Variants in MLLT3 observed in about 807,000 individuals in gnomAD.
MLLT3 encodes MLLT3 super elongation complex subunit, also known as protein AF-9.
In MLLT3, 4 loss-of-function variants were observed where a neutral mutation model predicts 53.2. That is an observed-to-expected ratio of 0.08 (90% CI 0.04 to 0.17). The LOEUF is 0.17. Ranked by LOEUF, MLLT3 falls within the 10% of genes least tolerant of loss-of-function variation. The pLI, the probability that MLLT3 is intolerant of heterozygous loss-of-function variation, is 1.00. For missense variants in MLLT3, 569 were observed against 684.0 expected (o/e 0.83, Z 1.87); for synonymous variants, 283 against 230.6 (o/e 1.23, Z -2.06).
At chr9:20,497,052 G>A (rs75178054) in intron 2 of MLLT3, among the ~76,000 whole-genome samples, 14 of 152,200 alleles carry the variant, frequency 9.2e-5, no homozygotes, top group East Asian at 5.8e-4. Flanking sequence ...TTCTTCTTCC[G>A]TGATCAAACC....
intron 4 of MLLT3, among the ~76,000 whole-genome samples, chr9:20,418,759 G>C (rs1233619574): frequency 6.6e-6 from 1 of 152,098 alleles, no homozygotes; most frequent in African/African-American, 2.4e-5. Context: ...TGGGACGACA[G>C]GTGCACGTGC....
In MLLT3 at chr9:20,468,455, G is replaced by T. The variant is rs187485563; in HGVS notation, c.194-11669C>A. 3.3e-5 allele frequency among the ~76,000 whole-genome samples: 5 copies of T among 152,122 alleles called. No homozygotes were observed. In the East Asian group the frequency reaches 9.6e-4, roughly 29 times the overall value. On this transcript the variant is annotated intron_variant, in intron 2 of 10. Transcript: ENST00000380338. ...CACTAATCAGCCCACCTAGAAACTC[G>T]TGAAGCCCAAGTGAGCACATATTGT...
intron 2 of MLLT3, among the ~76,000 whole-genome samples, chr9:20,582,814 G>C (rs1007835631): frequency 2.6e-5 from 4 of 152,090 alleles, no homozygotes; most frequent in African/African-American, 9.7e-5. Flanking sequence ...ACTTCCCCCT[G>C]GGTCCCTCCT....
At position 20,353,506 on chromosome 9, in the gene MLLT3, G is replaced by T. The variant is rs775843816; in HGVS notation, c.1575+19C>A. Reference sequence around the variant, plus strand: ...TCTTGAAGTTTCTGGAAAGGGTTGTGCTAAAAAGCATTTCTCACCTGCTGC... The same window carrying T: ...TCTTGAAGTTTCTGGAAAGGGTTGTTCTAAAAAGCATTTCTCACCTGCTGC... On this transcript the variant is annotated intron_variant, in intron 10 of 10. Transcript: ENST00000380338. The T allele has an allele frequency of 1.2e-6, 2 of 1,608,966 alleles. No individual in the cohort carries two copies. Among genetic ancestry groups the T allele is most frequent in the African/African-American group, 2.7e-5 (2 of 74,844 alleles).
chr9:20,400,188 T>C (rs1214439286), intron 5 of MLLT3, among the ~76,000 whole-genome samples: 1 of 152,104 alleles, frequency 6.6e-6, no homozygotes, highest in Non-Finnish European at 1.5e-5. Context: ...ACTTTGACTA[T>C]TGACTTACAG....
At chr9:20,602,763 C>A (rs1453295476) in intron 2 of MLLT3, among the ~76,000 whole-genome samples, 1 of 53,402 alleles carries the variant, frequency 1.9e-5, no homozygotes, top group Non-Finnish European at 3.6e-5. Flanking sequence ...AAGTTTGATA[C>A]ACACACACAC....
intron 4 of MLLT3, among the ~76,000 whole-genome samples, chr9:20,426,660 C>T (rs1034200743): frequency 2.6e-5 from 4 of 152,042 alleles, no homozygotes; most frequent in Non-Finnish European, 2.9e-5. Context: ...CTGTTAAATA[C>T]TATGGCTTTG....
At chr9:20,549,204 C>T (rs1379655916) in intron 2 of MLLT3, among the ~76,000 whole-genome samples, 2 of 152,146 alleles carry the variant, frequency 1.3e-5, no homozygotes, top group Admixed American at 1.3e-4. Flanking sequence ...ACTCAAATCA[C>T]TGATTAAATT....
At chr9:20,511,868 T>C (rs1445307256) in intron 2 of MLLT3, among the ~76,000 whole-genome samples, 1 of 152,028 alleles carries the variant, frequency 6.6e-6, no homozygotes, top group African/African-American at 2.4e-5. Flanking sequence ...AGGGCAACAG[T>C]AGCCACAGCA....
In MLLT3 at chr9:20,569,808, T is replaced by G. The variant is rs553958516; in HGVS notation, c.193+50846A>C. 5.9e-5 allele frequency among the ~76,000 whole-genome samples: 9 copies of G among 152,278 alleles called. No individual in the cohort carries two copies. In the East Asian group the frequency reaches 1.7e-3, roughly 29 times the overall value. On this transcript the variant is annotated intron_variant, in intron 2 of 10. Transcript: ENST00000380338. ...CTGTTTAGTGGAGCTAACATACCTA[T>G]GTATACGTAAAGCTCAGTGCTTGAC...
At chr9:20,410,586 T>C (rs1563954889) in intron 5 of MLLT3, 1 of 152,064 alleles carries the variant, frequency 6.6e-6, no homozygotes, top group Non-Finnish European at 1.5e-5. Flanking sequence ...AAATAAGTGA[T>C]CGATCCCTCA....
chr9:20,506,815 C>G (rs573070359), intron 2 of MLLT3, among the ~76,000 whole-genome samples: 20 of 152,238 alleles, frequency 1.3e-4, no homozygotes, highest in African/African-American at 4.3e-4. Flanking sequence ...ATATGGCAAG[C>G]ATATGGGAAA....
At position 20,341,888 on chromosome 9, in the gene MLLT3, T is replaced by G. The variant is rs1820744726; in HGVS notation, c.*4555A>C. On this transcript the variant is annotated 3_prime_UTR_variant, in exon 11 of 11. Coordinates refer to ENST00000380338, the MANE Select transcript of MLLT3 (RefSeq NM_004529.4). ...ACATAGCCCAGTTTATGCCAAAAAA[T>G]GTATCCCACCACTTCTTGTTCCAAT... 4.9e-6 allele frequency: 1 copy of G among 204,320 alleles called. No individual in the cohort carries two copies. The highest frequency in any genetic ancestry group is 1.0e-5 in the Non-Finnish European group (1 of 99,772). The allele number at this position is 204,320 out of a possible 1,614,324, so 12.7% of individuals were successfully genotyped here. A position where few individuals can be genotyped will look rare whatever the true frequency, so the allele number is the denominator to read the frequency against.
At chr9:20,565,922 T>TTATATA (rs775070739) in intron 2 of MLLT3, among the ~76,000 whole-genome samples, 10 of 97,626 alleles carry the variant, frequency 1.0e-4, no homozygotes, top group African/African-American at 4.4e-4. Flanking sequence ...ATATATATAT[T>TTATATA]TATATATATA....
intron 5 of MLLT3, among the ~76,000 whole-genome samples, chr9:20,390,998 G>T (rs760524200): frequency 6.6e-6 from 1 of 152,170 alleles, no homozygotes; most frequent in Non-Finnish European, 1.5e-5. Context: ...TTACATGCTT[G>T]CATGTAGTAA....
At chr9:20,589,089 A>G (rs1487817828) in intron 2 of MLLT3, among the ~76,000 whole-genome samples, 8 of 150,696 alleles carry the variant, frequency 5.3e-5, no homozygotes, top group Non-Finnish European at 8.9e-5. Flanking sequence ...TACTGGGTAT[A>G]TACCCAAAGG....
At chr9:20,612,826 C>T (rs1210376140) in intron 2 of MLLT3, among the ~76,000 whole-genome samples, 1 of 152,100 alleles carries the variant, frequency 6.6e-6, no homozygotes, top group Non-Finnish European at 1.5e-5. Context: ...AAAAATGGTA[C>T]TCATTTTCTT....
chr9:20,590,326 C>A (rs1820096371), intron 2 of MLLT3, among the ~76,000 whole-genome samples: 1 of 152,208 alleles, frequency 6.6e-6, no homozygotes, highest in Non-Finnish European at 1.5e-5. Context: ...CCTATACTTA[C>A]TGCTGATATG....
intron 2 of MLLT3, among the ~76,000 whole-genome samples, chr9:20,508,918 T>C (rs1316420167): frequency 2.0e-5 from 3 of 152,200 alleles, no homozygotes; most frequent in African/African-American, 7.2e-5. Flanking sequence ...ATATGGTATA[T>C]GATTTCATTT....
Sources: gnomAD v4.1 joint callset for allele counts (sites outside exome capture counted in the v4.1 genomes callset) on GRCh38, gnomAD v4.1.1 for gene constraint, MANE v1.5 for transcripts, NCBI Gene and HGNC (gene_info 2026-07-23, HGNC 2026-07-21) for gene names.